RHBDD1: variants seen among roughly 807,000 people sequenced by gnomAD.
RHBDD1 encodes rhomboid-related protein 4.
In RHBDD1, 38 loss-of-function variants were observed where a neutral mutation model predicts 36.3. The ratio of observed to expected loss-of-function variants is 1.05; its 90% CI spans 0.81 to 1.37. The LOEUF is 1.37. RHBDD1 is among the 40% of genes most tolerant of loss of function. The pLI is 0.00. For missense variants in RHBDD1, 393 were observed against 377.6 expected (o/e 1.04, Z -0.34); for synonymous variants, 151 against 136.5 (o/e 1.11, Z -0.74).
intron 8 of RHBDD1, among the ~76,000 whole-genome samples, chr2:226,937,454 C>T (rs1950402132): frequency 6.6e-6 from 1 of 151,874 alleles, no homozygotes; most frequent in African/African-American, 2.4e-5. Context: ...ATTTTAAGTT[C>T]AGGGGTACAT....
the RHBDD1 span, among the ~76,000 whole-genome samples, chr2:226,802,968 G>A: frequency 6.6e-6 from 1 of 152,200 alleles, no homozygotes; most frequent in African/African-American, 2.4e-5. Flanking sequence ...TCTGTAAAGT[G>A]CTTGAGTTGG....
At chr2:226,902,909 G>A (rs1008773836) in intron 5 of RHBDD1, among the ~76,000 whole-genome samples, 1 of 152,156 alleles carries the variant, frequency 6.6e-6, no homozygotes, top group Non-Finnish European at 1.5e-5. Context: ...ACTCTAAATT[G>A]TAAATGAGAT....
At position 226,914,322 on chromosome 2, in the gene RHBDD1, G is replaced by C; in HGVS notation, c.827G>C (p.Arg276Thr). The change falls in exon 8 of 9, where the codon AGA (arginine) becomes ACA (threonine). Residue 276 changes from arginine (R) to threonine (T), a missense_variant. Transcript: ENST00000392062. Reference sequence around the variant, plus strand: ...CTGAGTGAAGAAGAACAGCTCGAGAGAGCATTACAAGCCAGCCTCTGGGAC... The same window carrying C: ...CTGAGTGAAGAAGAACAGCTCGAGACAGCATTACAAGCCAGCCTCTGGGAC... ...AGLSEEEQLE[R>T]ALQASLWDRG... 2 of 1,613,484 alleles carry C rather than the reference G, an allele frequency of 1.2e-6. No individual in the cohort carries two copies. Among genetic ancestry groups the C allele is most frequent in the Non-Finnish European group, 1.7e-6 (2 of 1,179,686 alleles).
chr2:226,925,540 T>G (rs1232294148), intron 8 of RHBDD1, among the ~76,000 whole-genome samples: 1 of 152,150 alleles, frequency 6.6e-6, no homozygotes, highest in African/African-American at 2.4e-5. Context: ...AAACCAAATA[T>G]TTTTCCTTAG....
chr2:226,870,807 A>T (rs1210982511), intron 5 of RHBDD1, among the ~76,000 whole-genome samples: 1 of 152,200 alleles, frequency 6.6e-6, no homozygotes, highest in Non-Finnish European at 1.5e-5. Context: ...TGTATGCACT[A>T]TTTGTTAAGT....
chr2:226,951,125 A>C (rs1186992099), intron 8 of RHBDD1, among the ~76,000 whole-genome samples: 1 of 152,116 alleles, frequency 6.6e-6, no homozygotes, highest in Non-Finnish European at 1.5e-5. Context: ...TCTTAAATCT[A>C]TTTCAAGTGG....
In RHBDD1 at chr2:226,998,832, G is replaced by A. The variant is rs1960194980; in HGVS notation, c.*3310G>A. 6.6e-6 allele frequency: 1 copy of A among 152,192 alleles called. No individual in the cohort carries two copies. The highest frequency in any genetic ancestry group is 1.5e-5 in the Non-Finnish European group (1 of 68,056). 9.4% of individuals were successfully genotyped at this position (152,192 alleles called of 1,614,324 possible). On this transcript the variant is annotated 3_prime_UTR_variant, in exon 9 of 9. Coordinates refer to ENST00000392062, the MANE Select transcript of RHBDD1 (RefSeq NM_001167608.3). ...TAGCCTCAACAGTGGGCTTCAACCA[G>A]CCTTTGGACCTCAGCCCCATTTATC... is the stretch of plus-strand genomic sequence containing the variant.
the RHBDD1 span, among the ~76,000 whole-genome samples, chr2:226,805,642 A>G: frequency 1.3e-5 from 2 of 152,238 alleles, no homozygotes; most frequent in Non-Finnish European, 2.9e-5. Context: ...TTTTTGGTGC[A>G]GTGCACTCTA....
At chr2:226,984,309 C>G (rs562093554) in intron 8 of RHBDD1, among the ~76,000 whole-genome samples, 1 of 152,212 alleles carries the variant, frequency 6.6e-6, no homozygotes, top group Non-Finnish European at 1.5e-5. Flanking sequence ...GTTCTGGAGG[C>G]TAGAAGTTCC....
At chr2:226,931,535 T>G (rs953923571) in intron 8 of RHBDD1, among the ~76,000 whole-genome samples, 18 of 152,040 alleles carry the variant, frequency 1.2e-4, no homozygotes, top group Non-Finnish European at 4.4e-5. Context: ...AGCCTACATA[T>G]TGGATACAAT....
chr2:226,993,080 G>C (rs1338257586), intron 8 of RHBDD1, among the ~76,000 whole-genome samples: 1 of 152,226 alleles, frequency 6.6e-6, no homozygotes, highest in African/African-American at 2.4e-5. Flanking sequence ...CCCTGCAAAT[G>C]GGTCCAAGGC....
At chr2:226,975,160 A>G (rs1000196722) in intron 8 of RHBDD1, among the ~76,000 whole-genome samples, 2 of 152,194 alleles carry the variant, frequency 1.3e-5, no homozygotes, top group Admixed American at 1.3e-4. Context: ...AAGATTTAAT[A>G]TGGTGCCCCA....
At position 226,968,852 on chromosome 2, in the gene RHBDD1, A is replaced by G. The variant is rs529601183; in HGVS notation, c.857-26579A>G. 8 of 152,312 alleles carry G rather than the reference A, an allele frequency of 5.3e-5. No homozygotes were observed. The South Asian group carries it at 1.7e-3, about 32-fold the overall frequency. The allele number at this position is 152,312 out of a possible 1,614,324, so 9.4% of individuals were successfully genotyped here. A position where few individuals can be genotyped will look rare whatever the true frequency, so the allele number is the denominator to read the frequency against. On this transcript the variant is annotated intron_variant, in intron 8 of 8. Transcript: ENST00000392062. ...GCTTTTCCCTGAACCTCAGCTCTCA[A>G]TTTCCTCATCTGAGGAGTGGGTTCA...
intron 8 of RHBDD1, among the ~76,000 whole-genome samples, chr2:226,939,956 A>G (rs1476620537): frequency 6.6e-6 from 1 of 152,160 alleles, no homozygotes; most frequent in Non-Finnish European, 1.5e-5. Context: ...ACCCAGAAAT[A>G]AGACTGTGTA....
chr2:226,869,081 G>A (rs1559214037), intron 5 of RHBDD1: 1 of 606,734 alleles, frequency 1.6e-6, no homozygotes. Context: ...TTGAATAACA[G>A]TGCGTTTAAT....
At chr2:226,869,676 G>A (rs1280338240) in intron 5 of RHBDD1, among the ~76,000 whole-genome samples, 4 of 152,186 alleles carry the variant, frequency 2.6e-5, no homozygotes, top group Non-Finnish European at 5.9e-5. Flanking sequence ...AATAGGCATC[G>A]TGAGGAGTAT....
intron 8 of RHBDD1, among the ~76,000 whole-genome samples, chr2:226,974,794 C>T (rs1445332470): frequency 6.6e-6 from 1 of 152,180 alleles, no homozygotes; most frequent in Non-Finnish European, 1.5e-5. Flanking sequence ...TGCTGAGAGT[C>T]GTGAACCATA....
chr2:226,943,551 A>T (rs909130166), intron 8 of RHBDD1, among the ~76,000 whole-genome samples: 1 of 152,206 alleles, frequency 6.6e-6, no homozygotes, highest in African/African-American at 2.4e-5. Flanking sequence ...ATTACAGGAG[A>T]TAGTGTTTAA....
intron 8 of RHBDD1, among the ~76,000 whole-genome samples, chr2:226,931,918 A>G (rs1200078691): frequency 1.3e-5 from 2 of 152,086 alleles, no homozygotes; most frequent in African/African-American, 4.8e-5. Flanking sequence ...AGTTTGGGAA[A>G]AATTAACATC....
Sources: allele counts gnomAD v4.1 joint callset (sites outside exome capture counted in the v4.1 genomes callset), GRCh38; gene constraint gnomAD v4.1.1; transcripts MANE v1.5; gene names NCBI Gene and HGNC (gene_info 2026-07-23, HGNC 2026-07-21).